The following PSMD14 variants were observed in gnomAD, a reference collection of about 807,000 sequenced individuals.
PSMD14 encodes proteasome 26S subunit, non-ATPase 14, also known as ubiquitin C-terminal hydrolase PSMD14.
Under a neutral mutation model 41.2 loss-of-function variants are expected in PSMD14, and 7 were observed. The ratio of observed to expected loss-of-function variants is 0.17; its 90% CI spans 0.10 to 0.32. PSMD14 has a LOEUF of 0.32. Among genes scored for constraint, PSMD14 ranks in the 10% least tolerant of loss-of-function variants. The pLI, the probability that PSMD14 is intolerant of heterozygous loss-of-function variation, is 1.00. For synonymous variants in PSMD14, 114 were observed against 122.3 expected, an observed-to-expected ratio of 0.93 and a Z score of 0.45; for missense variants, 139 against 375.6, an observed-to-expected ratio of 0.37 and a Z score of 5.21.
At chr2:161,341,863 A>T (rs914355397) in intron 3 of PSMD14, among the ~76,000 whole-genome samples, 1 of 131,266 alleles carries the variant, frequency 7.6e-6, no homozygotes, top group African/African-American at 3.0e-5. Flanking sequence ...AATTAAAATT[A>T]AAAAAAATAT....
At chr2:161,321,597 T>C (rs1469048429) in intron 3 of PSMD14, among the ~76,000 whole-genome samples, 2 of 152,208 alleles carry the variant, frequency 1.3e-5, no homozygotes, top group African/African-American at 2.4e-5. Flanking sequence ...ATACTTCATG[T>C]GTCCCCAAGC....
In PSMD14 at chr2:161,371,271, G is replaced by A. The variant is rs373164724; in HGVS notation, c.411G>A (p.Ser137=). 1.3e-5 allele frequency: 21 copies of A among 1,611,812 alleles called. No individual in the cohort carries two copies. The highest frequency in any genetic ancestry group is 3.3e-4 in the Middle Eastern group (2 of 6,076). ...CTCAGCAGAGCTTTGAAGCCTTGTC[G>A]GAGAGAGCTGTGGCAGTGGTTGTGG... ...INTQQSFEAL[S]ERAVAVVVDP... Residue 137 remains serine (S), a synonymous_variant, in exon 7 of 12, where the codon TCG becomes TCA. Transcript: ENST00000409682.
chr2:161,361,386 A>T (rs1281003516), intron 3 of PSMD14, among the ~76,000 whole-genome samples: 1 of 152,182 alleles, frequency 6.6e-6, no homozygotes, highest in South Asian at 2.1e-4. Context: ...GATTATAACA[A>T]TTAGCCACAG....
chr2:161,361,468 T>TTC (rs1553506341), intron 3 of PSMD14, among the ~76,000 whole-genome samples: 23,594 of 151,544 alleles, frequency 0.16, 2,204 homozygotes, highest in East Asian at 0.3. Context: ...ATTTTTTTTT[T>TTC]CACATACATA....
At chr2:161,319,658 A>G (rs1218736938) in intron 3 of PSMD14, among the ~76,000 whole-genome samples, 1 of 152,172 alleles carries the variant, frequency 6.6e-6, no homozygotes. Context: ...AAATATTTTT[A>G]TAGTCCCTTT....
At chr2:161,357,392 C>T (rs1427438868) in intron 3 of PSMD14, among the ~76,000 whole-genome samples, 1 of 151,944 alleles carries the variant, frequency 6.6e-6, no homozygotes, top group African/African-American at 2.4e-5. Flanking sequence ...AGCTTTTTAC[C>T]CTACAGTTCT....
chr2:161,310,285 CTGT>C (rs1559034826), intron 1 of PSMD14, among the ~76,000 whole-genome samples: 1 of 152,206 alleles, frequency 6.6e-6, no homozygotes, highest in Non-Finnish European at 1.5e-5. Context: ...AATATTATTG[CTGT>C]TGTTATTGTT....
intron 3 of PSMD14, among the ~76,000 whole-genome samples, chr2:161,357,785 T>C (rs1468421573): frequency 2.6e-5 from 4 of 152,196 alleles, no homozygotes; most frequent in African/African-American, 9.6e-5. Flanking sequence ...GACTATTTTA[T>C]GTAGCTTAAG....
At chr2:161,343,778 A>G (rs1181193817) in intron 3 of PSMD14, among the ~76,000 whole-genome samples, 1 of 151,962 alleles carries the variant, frequency 6.6e-6, no homozygotes, top group Non-Finnish European at 1.5e-5. Flanking sequence ...CAGTGAGCCA[A>G]GACTGCGCCA....
chr2:161,367,339 G>A (rs1473873302), intron 3 of PSMD14, 139 bp from the exon 4 acceptor site: 15 of 657,696 alleles, frequency 2.3e-5, no homozygotes, highest in East Asian at 1.4e-4. Context: ...TTTTGATTAT[G>A]TCATAGCCAA....
intron 3 of PSMD14, among the ~76,000 whole-genome samples, chr2:161,350,025 G>T (rs1035725553): frequency 1.3e-5 from 2 of 152,102 alleles, no homozygotes; most frequent in Non-Finnish European, 2.9e-5. Context: ...ATTTGGTGAG[G>T]GTACTTAAGT....
chr2:161,337,455 A>G (rs1439030334), intron 3 of PSMD14, among the ~76,000 whole-genome samples: 1 of 152,216 alleles, frequency 6.6e-6, no homozygotes, highest in Admixed American at 6.5e-5. Context: ...GATTAGCACC[A>G]TTCACAAGGG....
At chr2:161,405,766 T>C (rs1683939860) in intron 10 of PSMD14, among the ~76,000 whole-genome samples, 1 of 152,186 alleles carries the variant, frequency 6.6e-6, no homozygotes, top group Non-Finnish European at 1.5e-5. Context: ...TGCTGTCTTA[T>C]GTAAAAATTG....
At chr2:161,405,997 CAACAACAAA>C (rs1683942877) in intron 10 of PSMD14, among the ~76,000 whole-genome samples, 1 of 152,014 alleles carries the variant, frequency 6.6e-6, no homozygotes, top group Non-Finnish European at 1.5e-5. Flanking sequence ...TTAAAAACAA[CAACAACAAA>C]AACAACAAAA....
At chr2:161,389,889 G>GTTGTGTTTTTTT in intron 8 of PSMD14, among the ~76,000 whole-genome samples, 1 of 20,042 alleles carries the variant, frequency 5.0e-5, no homozygotes, top group Non-Finnish European at 1.0e-4. Context: ...CTTTTTTGTT[G>GTTGTGTTTTTTT]TTTTTTTTTT....
At chr2:161,317,568 T>C (rs1179552532) in intron 2 of PSMD14, among the ~76,000 whole-genome samples, 1 of 152,158 alleles carries the variant, frequency 6.6e-6, no homozygotes, top group South Asian at 2.1e-4. Context: ...TTTTGAAGAT[T>C]CCATGGCCAT....
intron 7 of PSMD14, chr2:161,382,086 A>G (rs1683577320): frequency 6.6e-6 from 1 of 151,882 alleles, no homozygotes; most frequent in African/African-American, 2.4e-5. Context: ...ACAATTCACA[A>G]ATTTGTCTGA....
chr2:161,367,725 A>G (rs1256949275), intron 4 of PSMD14, 59 bp from the exon 5 acceptor site: 28 of 1,561,578 alleles, frequency 1.8e-5, no homozygotes, highest in South Asian at 6.0e-5. Flanking sequence ...TGTTTTATAA[A>G]GAAGAACCAG....
Position 161,369,610 on chromosome 2 carries a change from G to A in PSMD14, c.241-497G>A, listed in dbSNP as rs2105257110. Among the ~76,000 whole-genome samples the A allele has an allele frequency of 1.3e-5, 2 of 152,196 alleles. 1 individual carries two copies. Among genetic ancestry groups the A allele is most frequent in the South Asian group, 4.1e-4 (2 of 4,834 alleles). On this transcript the variant is annotated intron_variant, in intron 5 of 11. Coordinates refer to ENST00000409682, the MANE Select transcript of PSMD14 (RefSeq NM_005805.6). ...CTATAAAGACAGTACTCTATCGCCA[G>A]AGAGATGATCTGAACCTTTTAATTC...
Sources: allele counts gnomAD v4.1 joint callset (sites outside exome capture counted in the v4.1 genomes callset), GRCh38; gene constraint gnomAD v4.1.1; transcripts MANE v1.5; gene names NCBI Gene and HGNC (gene_info 2026-07-23, HGNC 2026-07-21).